Variants in APOL6 observed in about 807,000 individuals in gnomAD.
APOL6 encodes the protein apolipoprotein L6.
A neutral mutation model predicts 2.4 loss-of-function variants in APOL6; 1 was observed. The observed-to-expected ratio is 0.41, with a 90% CI of 0.15 to 1.94. APOL6 has a LOEUF of 1.94. Among genes scored for constraint, APOL6 ranks in the 30% most tolerant of loss-of-function variants. The probability of loss-of-function intolerance (pLI) is 0.30; values close to 1 mark genes in which losing one functional copy is unlikely to be tolerated. For synonymous variants in APOL6, 189 were observed against 169.3 expected (o/e 1.12, Z -0.90); for missense variants, 438 against 429.2 (o/e 1.02, Z -0.18).
At chr22:35,658,559 C>T in intron 2 of APOL6, 56 bp from the exon 3 acceptor site, 1 of 1,451,576 alleles carries the variant, frequency 6.9e-7, no homozygotes, top group South Asian at 1.3e-5. Context: ...CCAAGAGCCA[C>T]ATGGGTTTTC....
In APOL6 at chr22:35,664,971, A is replaced by T. The variant is rs908632504; in HGVS notation, c.*5375A>T. 3.9e-5 allele frequency: 6 copies of T among 151,964 alleles called. No individual in the cohort carries two copies. The highest frequency in any genetic ancestry group is 1.4e-4 in the African/African-American group (6 of 41,434). The allele number at this position is 151,964 out of a possible 1,614,324, so 9.4% of individuals were successfully genotyped here. ...GAAAAAGAAATAATTTTATATAAGA[A>T]AGAATTTTATATGGTAAATTTAGTC... On this transcript the variant is annotated 3_prime_UTR_variant, in exon 3 of 3. Coordinates refer to ENST00000409652, the MANE Select transcript of APOL6 (RefSeq NM_030641.4).
rs1307226736 is a variant in APOL6 at position 35,649,172 on chromosome 22, A to G, written c.-48+549A>G. On this transcript the variant is annotated intron_variant, in intron 1 of 2. Transcript: ENST00000409652. ...GCGACTAGGCCAGGCGCAGTGGCTC[A>G]TGCCTGTAATCCCAGCATTTTGGGA... 3.3e-5 allele frequency among the ~76,000 whole-genome samples: 5 copies of G among 152,216 alleles called. No homozygotes were observed. In the East Asian group the frequency reaches 7.7e-4, roughly 23 times the overall value.
At chr22:35,655,856 C>T (rs1330979705) in intron 1 of APOL6, among the ~76,000 whole-genome samples, 1 of 152,078 alleles carries the variant, frequency 6.6e-6, no homozygotes. Flanking sequence ...CAATACATCT[C>T]CAACAATGAA....
intron 1 of APOL6, among the ~76,000 whole-genome samples, chr22:35,653,227 T>C (rs1924747278): frequency 6.6e-6 from 1 of 152,218 alleles, no homozygotes; most frequent in Non-Finnish European, 1.5e-5. Context: ...AGAATGCTTG[T>C]GATTTTTGCA....
At position 35,656,492 on chromosome 22, in the gene APOL6, A is replaced by G. The variant is rs1186591157; in HGVS notation, c.50+17A>G. 4 of 1,613,898 alleles carry G rather than the reference A, an allele frequency of 2.5e-6. No individual in the cohort carries two copies. Among genetic ancestry groups the G allele is most frequent in the Non-Finnish European group, 3.4e-6 (4 of 1,179,898 alleles). On this transcript the variant is annotated intron_variant, in intron 2 of 2. Coordinates refer to ENST00000409652, the MANE Select transcript of APOL6 (RefSeq NM_030641.4). ...TTTGCAAAGGTAATCCAAAGGGTGT[A>G]GTCCCCAGGGAGAGGGCTGATTCTG...
At position 35,662,557 on chromosome 22, in the gene APOL6, G is replaced by A. The variant is rs1315552916; in HGVS notation, c.*2961G>A. On this transcript the variant is annotated 3_prime_UTR_variant, in exon 3 of 3. Transcript: ENST00000409652. Reference sequence around the variant, plus strand: ...GAAGCTCCCTCCCCACTGAACCAATGTTCTTCTTACATATATTGATTAATG... The same window carrying A: ...GAAGCTCCCTCCCCACTGAACCAATATTCTTCTTACATATATTGATTAATG... 1 of 152,194 alleles carries A rather than the reference G, an allele frequency of 6.6e-6. No individual in the cohort carries two copies. The highest frequency in any genetic ancestry group is 2.4e-5 in the African/African-American group (1 of 41,434). 9.4% of individuals were successfully genotyped at this position (152,194 alleles called of 1,614,324 possible).
chr22:35,667,230 A>G lies in APOL6; in HGVS notation c.*7634A>G, dbSNP rs571536108. ...GCCCCAGGTTTACCTCAGAACCTCA[A>G]GAGGAGAGGAAATTCACCCAATTTA... is the stretch of plus-strand genomic sequence containing the variant. On this transcript the variant is annotated 3_prime_UTR_variant, in exon 3 of 3. Coordinates refer to ENST00000409652, the MANE Select transcript of APOL6 (RefSeq NM_030641.4). The G allele has an allele frequency of 6.6e-6, 1 of 152,332 alleles. No individual in the cohort carries two copies. The highest frequency in any genetic ancestry group is 2.1e-4 in the South Asian group (1 of 4,818). 9.4% of individuals were successfully genotyped at this position (152,332 alleles called of 1,614,324 possible).
Position 35,656,382 on chromosome 22 carries a change from A to G in APOL6, c.-44A>G. 6.2e-7 allele frequency: 1 copy of G among 1,612,778 alleles called. No individual in the cohort carries two copies. The highest frequency in any genetic ancestry group is 8.5e-7 in the Non-Finnish European group (1 of 1,178,794). ...GTTTTTCTACATTCCTGACCAGAAA[A>G]TCATTTGACTCCTGGGGACACAGAT... is the stretch of plus-strand genomic sequence containing the variant. On this transcript the variant is annotated 5_prime_UTR_variant, in exon 2 of 3. Transcript: ENST00000409652.
Position 35,661,837 on chromosome 22 carries a change from G to T in APOL6, c.*2241G>T, listed in dbSNP as rs1474696696. The T allele has an allele frequency of 1.3e-5, 2 of 152,074 alleles. No individual in the cohort carries two copies. Among genetic ancestry groups the T allele is most frequent in the East Asian group, 3.9e-4 (2 of 5,190 alleles). 9.4% of individuals were successfully genotyped at this position (152,074 alleles called of 1,614,324 possible). ...ACAGCACACTTAGGGTACACAAAAT[G>T]CATATTAAAACATTTTCTTCCTTCA... On this transcript the variant is annotated 3_prime_UTR_variant, in exon 3 of 3. Coordinates refer to ENST00000409652, the MANE Select transcript of APOL6 (RefSeq NM_030641.4).
chr22:35,651,492 AC>A (rs1313441247), intron 1 of APOL6, among the ~76,000 whole-genome samples: 1 of 152,034 alleles, frequency 6.6e-6, no homozygotes, highest in Non-Finnish European at 1.5e-5. Context: ...GGTGTGCTGC[AC>A]CCATTAACTC....
intron 1 of APOL6, among the ~76,000 whole-genome samples, chr22:35,650,447 G>A (rs902847262): frequency 5.3e-5 from 8 of 152,106 alleles, no homozygotes; most frequent in African/African-American, 1.9e-4. Context: ...TCTATGTATC[G>A]CCTGGGGAAC....
chr22:35,666,672 TC>T lies in APOL6; in HGVS notation c.*7077del, dbSNP rs1925193702. The T allele has an allele frequency of 6.6e-6, 1 of 152,126 alleles. No individual in the cohort carries two copies. The highest frequency in any genetic ancestry group is 1.5e-5 in the Non-Finnish European group (1 of 68,040). 9.4% of individuals were successfully genotyped at this position (152,126 alleles called of 1,614,324 possible). The stretch of plus-strand genomic sequence containing the variant: ...TCTGATAACTTTGGAGATTGTGACA[TC>T]AGAATAGAGGGAAAAGTTTCAGGAC... On this transcript the variant is annotated 3_prime_UTR_variant, in exon 3 of 3. Coordinates refer to ENST00000409652, the MANE Select transcript of APOL6 (RefSeq NM_030641.4).
Position 35,659,614 on chromosome 22 carries a change from G to A in APOL6, c.*18G>A, listed in dbSNP as rs144721389. 6.0e-3 allele frequency: 9,387 copies of A among 1,571,176 alleles called. 34 individuals are homozygous for A. The highest frequency in any genetic ancestry group is 6.8e-3 in the Non-Finnish European group (7,900 of 1,157,174). On this transcript the variant is annotated 3_prime_UTR_variant, in exon 3 of 3. Coordinates refer to ENST00000409652, the MANE Select transcript of APOL6 (RefSeq NM_030641.4). ...TTACATGAATGTTCCTCAGGACATG[G>A]CATACAATGGCCTTGGAGGTCCAAA...
intron 1 of APOL6, among the ~76,000 whole-genome samples, chr22:35,649,008 G>A (rs1195282438): frequency 2.0e-5 from 3 of 152,170 alleles, no homozygotes; most frequent in South Asian, 4.1e-4. Flanking sequence ...GAGTGGTTTA[G>A]GGGTGTCATC....
intron 1 of APOL6, among the ~76,000 whole-genome samples, chr22:35,655,922 A>G (rs896541952): frequency 7.9e-5 from 12 of 152,230 alleles, no homozygotes; most frequent in Non-Finnish European, 1.6e-4. Context: ...AGTCTCCAGC[A>G]GGAGCAACTT....
intron 2 of APOL6, 148 bp from the exon 3 acceptor site, chr22:35,658,467 T>C: frequency 1.5e-6 from 1 of 687,884 alleles, no homozygotes; most frequent in Non-Finnish European, 2.4e-6. Flanking sequence ...AAGGCTGAAC[T>C]ACTCTACAAT....
rs1478288545 is a variant in APOL6, at chr22:35,661,314, T to C, written c.*1718T>C. On this transcript the variant is annotated 3_prime_UTR_variant, in exon 3 of 3. Transcript: ENST00000409652. ...TAAAGGTTGCAGTGAGCCAAGATCA[T>C]GCCACTGCACTCCAGTCTGGGTGTC... 2 of 132,672 alleles carry C rather than the reference T, an allele frequency of 1.5e-5. No individual in the cohort carries two copies. The highest frequency in any genetic ancestry group is 1.5e-5 in the Non-Finnish European group (1 of 65,864). 8.2% of individuals were successfully genotyped at this position (132,672 alleles called of 1,614,324 possible).
intron 2 of APOL6, 68 bp downstream of exon 2, chr22:35,656,543 A>G: frequency 1.3e-6 from 2 of 1,566,886 alleles, no homozygotes; most frequent in Non-Finnish European, 1.8e-6. Context: ...CATCCTCACG[A>G]TAAGGAATAC....
At chr22:35,656,282 T>C in intron 1 of APOL6, 97 bp from the exon 2 acceptor site, 1 of 901,284 alleles carries the variant, frequency 1.1e-6, no homozygotes, top group South Asian at 1.4e-5. Flanking sequence ...ATGTGGTTGT[T>C]ATTTTGATAG....
Sources: allele counts gnomAD v4.1 joint callset (sites outside exome capture counted in the v4.1 genomes callset), GRCh38; gene constraint gnomAD v4.1.1; transcripts MANE v1.5; gene names NCBI Gene and HGNC (gene_info 2026-07-23, HGNC 2026-07-21).